Variants in OSBPL9 observed in about 807,000 individuals in gnomAD.
OSBPL9 encodes oxysterol-binding protein-related protein 9.
Under a neutral mutation model 106.6 loss-of-function variants are expected in OSBPL9, and 40 were observed. The ratio of observed to expected loss-of-function variants is 0.38; its 90% CI spans 0.29 to 0.49. The LOEUF (loss-of-function observed/expected upper bound fraction) is 0.49. Among genes scored for constraint, OSBPL9 ranks in the 20% least tolerant of loss-of-function variants. The pLI, the probability that OSBPL9 is intolerant of heterozygous loss-of-function variation, is 0.97. For synonymous variants in OSBPL9, 269 were observed against 295.4 expected (o/e 0.91, Z 0.92); for missense variants, 609 against 887.2 (o/e 0.69, Z 3.98).
chr1:51,684,195 G>A (rs1377690553), intron 3 of OSBPL9, among the ~76,000 whole-genome samples: 3 of 152,098 alleles, frequency 2.0e-5, no homozygotes, highest in African/African-American at 4.8e-5. Context: ...ATTTGGTAGA[G>A]ACAGGGTCTC....
At chr1:51,765,125 T>A (rs1672303296) in intron 11 of OSBPL9, among the ~76,000 whole-genome samples, 1 of 152,232 alleles carries the variant, frequency 6.6e-6, no homozygotes, top group African/African-American at 2.4e-5. Flanking sequence ...GATGATCATC[T>A]CAGAGATTAG....
chr1:51,555,182 A>G, the OSBPL9 span, among the ~76,000 whole-genome samples: 2 of 152,096 alleles, frequency 1.3e-5, no homozygotes, highest in Non-Finnish European at 2.9e-5. Flanking sequence ...TTCTGATGAT[A>G]CTTACATATA....
the OSBPL9 span, among the ~76,000 whole-genome samples, chr1:51,559,346 G>A: frequency 6.6e-6 from 1 of 152,170 alleles, no homozygotes; most frequent in African/African-American, 2.4e-5. Flanking sequence ...GACCCGATTA[G>A]AAGTTAGAAG....
At chr1:51,592,713 G>T (rs1043696473) in intron 1 of OSBPL9, among the ~76,000 whole-genome samples, 21 of 152,260 alleles carry the variant, frequency 1.4e-4, no homozygotes, top group Admixed American at 1.3e-3. Flanking sequence ...CCTGATTTTG[G>T]CTTCATCAAC....
chr1:51,638,025 T>A (rs945263677), intron 1 of OSBPL9, among the ~76,000 whole-genome samples: 2 of 152,222 alleles, frequency 1.3e-5, no homozygotes, highest in Non-Finnish European at 2.9e-5. Flanking sequence ...GGCTGTTCCA[T>A]CTCTTAAAGA....
At chr1:51,743,460 AT>A (rs770355623) in intron 4 of OSBPL9, among the ~76,000 whole-genome samples, 50 of 152,330 alleles carry the variant, frequency 3.3e-4, no homozygotes, top group Middle Eastern at 3.4e-3. Flanking sequence ...TCACTGAACA[AT>A]TTTTAATCTA....
intron 3 of OSBPL9, among the ~76,000 whole-genome samples, chr1:51,700,821 T>A (rs2148852456): frequency 6.6e-6 from 1 of 152,338 alleles, no homozygotes; most frequent in Non-Finnish European, 1.5e-5. Flanking sequence ...ATTTCCTGTT[T>A]CTTCTCACTT....
Position 51,605,959 on chromosome 1 carries a change from C to T in OSBPL9, c.-353+7766C>T, listed in dbSNP as rs143057734. Among the ~76,000 whole-genome samples the T allele has an allele frequency of 1.3e-4, 19 of 149,444 alleles. No homozygotes were observed. The East Asian group carries it at 2.7e-3, about 22-fold the overall frequency. On this transcript the variant is annotated intron_variant, in intron 2 of 25. Transcript: ENST00000371714. ...CAGGCCACTGTACAGAGCTAGACTCCGTCTCAAAAGAAAGAAACAAAGAAA... is the reference window on the plus strand; with the variant it reads ...CAGGCCACTGTACAGAGCTAGACTCTGTCTCAAAAGAAAGAAACAAAGAAA...
chr1:51,748,936 T>G (rs1158629039), intron 7 of OSBPL9, among the ~76,000 whole-genome samples: 1 of 152,034 alleles, frequency 6.6e-6, no homozygotes, highest in Non-Finnish European at 1.5e-5. Flanking sequence ...AAATACAAAA[T>G]TATCCAGGCG....
intron 3 of OSBPL9, among the ~76,000 whole-genome samples, chr1:51,674,918 CA>C (rs1650810418): frequency 1.3e-5 from 2 of 152,164 alleles, no homozygotes; most frequent in Admixed American, 1.3e-4. Flanking sequence ...AAGAAAATTA[CA>C]AAAAAACCTC....
intron 1 of OSBPL9, among the ~76,000 whole-genome samples, chr1:51,628,702 GAGA>G (rs1644925431): frequency 5.6e-5 from 2 of 36,024 alleles, no homozygotes; most frequent in Admixed American, 6.9e-4. Context: ...TTTTTTTTTT[GAGA>G]TGGAGCCTTG....
chr1:51,622,018 G>GTT (rs60458536), intron 1 of OSBPL9, among the ~76,000 whole-genome samples: 4 of 147,006 alleles, frequency 2.7e-5, no homozygotes, highest in South Asian at 4.3e-4. Context: ...TGAAATGTGT[G>GTT]TTTTTTTTTT....
the OSBPL9 span, chr1:51,518,309 AG>A: frequency 6.6e-6 from 1 of 152,430 alleles, no homozygotes; most frequent in African/African-American, 2.4e-5. Flanking sequence ...GGAAGCAACG[AG>A]GCAAGAGGGA....
chr1:51,554,990 A>G, the OSBPL9 span, among the ~76,000 whole-genome samples: 3 of 152,226 alleles, frequency 2.0e-5, no homozygotes, highest in African/African-American at 7.2e-5. Context: ...CAGAGGGTCC[A>G]AAATCCTGTA....
At chr1:51,649,638 G>C (rs1159999252) in intron 1 of OSBPL9, among the ~76,000 whole-genome samples, 1 of 150,152 alleles carries the variant, frequency 6.7e-6, no homozygotes, top group Non-Finnish European at 1.5e-5. Flanking sequence ...GATCATTTCA[G>C]TTTTGCTTCC....
chr1:51,756,272 T>G (rs1431405237), intron 8 of OSBPL9, 48 bp from the exon 9 acceptor site: 2 of 1,496,276 alleles, frequency 1.3e-6, no homozygotes, highest in South Asian at 1.1e-5. Context: ...CACAAGGAGT[T>G]ACTTACATGT....
chr1:51,719,040 A>C (rs1661577613), intron 4 of OSBPL9, among the ~76,000 whole-genome samples: 1 of 151,948 alleles, frequency 6.6e-6, no homozygotes, highest in Non-Finnish European at 1.5e-5. Context: ...CCTAATCTTT[A>C]TATCTCTTTT....
chr1:51,621,526 G>A lies in OSBPL9; in HGVS notation c.111+4305G>A, dbSNP rs376169601. Among the ~76,000 whole-genome samples, 169 of 150,466 alleles carry A rather than the reference G, an allele frequency of 1.1e-3. 1 individual carries two copies. The highest frequency in any genetic ancestry group is 3.7e-3 in the African/African-American group (153 of 41,022). On this transcript the variant is annotated intron_variant, in intron 1 of 23. Transcript: ENST00000428468. ...GTCTCAAAAAAAAAAAAAAAAGAAA[G>A]TTAAGGTCCCTCTATTTTCAAAAGA...
intron 12 of OSBPL9, among the ~76,000 whole-genome samples, chr1:51,767,831 G>A (rs751998129): frequency 6.6e-6 from 1 of 151,008 alleles, no homozygotes; most frequent in Non-Finnish European, 1.5e-5. Flanking sequence ...TAATAATGGG[G>A]TTAAAAGAAA....
Sources: allele counts gnomAD v4.1 joint callset (sites outside exome capture counted in the v4.1 genomes callset), GRCh38; gene constraint gnomAD v4.1.1; transcripts MANE v1.5; gene names NCBI Gene and HGNC (gene_info 2026-07-23, HGNC 2026-07-21).